DOCK3: variants seen among roughly 807,000 people sequenced by gnomAD.
The protein encoded by DOCK3 is dedicator of cytokinesis 3.
A neutral mutation model predicts 265.6 loss-of-function variants in DOCK3; 60 were observed. The ratio of observed to expected loss-of-function variants is 0.23; its 90% CI spans 0.18 to 0.28. The LOEUF (loss-of-function observed/expected upper bound fraction) is 0.28. DOCK3 is among the 10% of genes least tolerant of loss of function. The pLI, the probability that DOCK3 is intolerant of heterozygous loss-of-function variation, is 1.00. For missense variants in DOCK3, 1,981 were observed against 2,594.3 expected (o/e 0.76, Z 5.14); for synonymous variants, 881 against 938.0 (o/e 0.94, Z 1.11).
chr3:51,016,852 T>TAAA lies in DOCK3; in HGVS notation c.316-47596_316-47595insAAA, dbSNP rs1559946072. 3.1e-3 allele frequency among the ~76,000 whole-genome samples: 7 copies of TAAA among 2,232 alleles called. 3 individuals are homozygous for TAAA. Among genetic ancestry groups the TAAA allele is most frequent in the African/African-American group, 0.013 (7 of 522 alleles). The allele number at this position is 2,232 out of a possible 152,430, so 1.5% of individuals were successfully genotyped here. On this transcript the variant is annotated intron_variant, in intron 5 of 52. Transcript: ENST00000266037. ...TATATATGATATATGTTTATATATA[T>TAAA]CATATATAAATATATATGATATATG...
chr3:50,888,118 G>C (rs74835033), intron 3 of DOCK3, among the ~76,000 whole-genome samples: 14,899 of 151,760 alleles, frequency 0.098, 910 homozygotes, highest in Non-Finnish European at 0.13. Flanking sequence ...ACCCCATTGT[G>C]TCAGCCCAAA....
chr3:51,364,019 G>A (rs1300031156), intron 49 of DOCK3, among the ~76,000 whole-genome samples: 1 of 152,200 alleles, frequency 6.6e-6, no homozygotes, highest in Non-Finnish European at 1.5e-5. Context: ...GGATGGCTGG[G>A]TCAAATGGTA....
chr3:51,319,129 T>C (rs1290878609), intron 32 of DOCK3, among the ~76,000 whole-genome samples: 1 of 152,196 alleles, frequency 6.6e-6, no homozygotes, highest in African/African-American at 2.4e-5. Flanking sequence ...GGAGAAAGTA[T>C]TCACCAGTGT....
At chr3:51,193,508 C>T (rs2088076749) in intron 12 of DOCK3, among the ~76,000 whole-genome samples, 2 of 152,010 alleles carry the variant, frequency 1.3e-5, no homozygotes, top group African/African-American at 4.8e-5. Context: ...GTTCTTTTTA[C>T]GTTTGGTAGA....
chr3:51,133,707 A>G (rs1413081114), intron 9 of DOCK3, among the ~76,000 whole-genome samples: 3 of 152,122 alleles, frequency 2.0e-5, no homozygotes, highest in East Asian at 1.9e-4. Context: ...TCTAATTTAT[A>G]CAAACAGAAA....
At chr3:50,770,670 C>T (rs981317627) in intron 1 of DOCK3, among the ~76,000 whole-genome samples, 6 of 152,120 alleles carry the variant, frequency 3.9e-5, no homozygotes, top group East Asian at 1.9e-4. Context: ...CTGGAGGAAT[C>T]GCATTACCTG....
intron 4 of DOCK3, among the ~76,000 whole-genome samples, chr3:50,893,561 G>T (rs2048744249): frequency 6.6e-6 from 1 of 151,968 alleles, no homozygotes; most frequent in South Asian, 2.1e-4. Flanking sequence ...CATTTGAAAT[G>T]ATCCATTCAG....
chr3:51,318,093 T>C (rs899343917), intron 32 of DOCK3, among the ~76,000 whole-genome samples: 21 of 152,162 alleles, frequency 1.4e-4, no homozygotes, highest in African/African-American at 4.3e-4. Flanking sequence ...ATAAATCAAA[T>C]TGGGGGCCGG....
chr3:50,954,770 G>A (rs2076685142), intron 5 of DOCK3, among the ~76,000 whole-genome samples: 1 of 152,068 alleles, frequency 6.6e-6, no homozygotes. Flanking sequence ...CCAATCTATA[G>A]GTTGTCTGTT....
intron 4 of DOCK3, among the ~76,000 whole-genome samples, chr3:50,918,086 A>C (rs2107995288): frequency 6.6e-6 from 1 of 152,230 alleles, no homozygotes; most frequent in East Asian, 1.9e-4. Flanking sequence ...AAAGGACATG[A>C]ACTCATCCTT....
At chr3:51,171,897 A>T (rs1388416894) in intron 12 of DOCK3, among the ~76,000 whole-genome samples, 1 of 152,018 alleles carries the variant, frequency 6.6e-6, no homozygotes, top group Non-Finnish European at 1.5e-5. Flanking sequence ...TTCTGTTTGG[A>T]TGATCTCTTA....
chr3:50,794,030 A>G (rs2042634384), intron 2 of DOCK3, among the ~76,000 whole-genome samples: 1 of 152,166 alleles, frequency 6.6e-6, no homozygotes, highest in South Asian at 2.1e-4. Flanking sequence ...ACTTATGTGT[A>G]ATCGTAAGGT....
At chr3:50,806,630 GT>G (rs1409222917) in intron 2 of DOCK3, among the ~76,000 whole-genome samples, 4 of 152,040 alleles carry the variant, frequency 2.6e-5, no homozygotes, top group South Asian at 2.1e-4. Flanking sequence ...TTTCCCTGCT[GT>G]GCAGGACTGG....
intron 3 of DOCK3, among the ~76,000 whole-genome samples, chr3:50,870,439 T>C (rs1210423554): frequency 6.6e-6 from 1 of 152,202 alleles, no homozygotes; most frequent in Non-Finnish European, 1.5e-5. Context: ...CTACTCTTTT[T>C]TGGTTTCCAT....
At chr3:51,134,458 G>C (rs1576194029) in intron 9 of DOCK3, among the ~76,000 whole-genome samples, 1 of 152,150 alleles carries the variant, frequency 6.6e-6, no homozygotes, top group East Asian at 1.9e-4. Context: ...AATTTTCTGG[G>C]ATTATTTGCC....
chr3:51,105,233 C>G (rs2083238908), intron 9 of DOCK3, among the ~76,000 whole-genome samples: 1 of 152,136 alleles, frequency 6.6e-6, no homozygotes, highest in South Asian at 2.1e-4. Context: ...TGATAAAGAA[C>G]ATGATTGAAT....
At chr3:51,020,947 T>C (rs1315787498) in intron 5 of DOCK3, among the ~76,000 whole-genome samples, 1 of 151,936 alleles carries the variant, frequency 6.6e-6, no homozygotes, top group Non-Finnish European at 1.5e-5. Flanking sequence ...GTCTTGGCTA[T>C]TTGAGCTCTT....
At chr3:51,116,449 T>TTAA (rs2083743949) in intron 9 of DOCK3, among the ~76,000 whole-genome samples, 1 of 15,002 alleles carries the variant, frequency 6.7e-5, no homozygotes, top group African/African-American at 4.2e-4. Flanking sequence ...AGACTCCATC[T>TTAA]CAAAAAAAAA....
chr3:50,972,080 C>G (rs939883943), intron 5 of DOCK3, among the ~76,000 whole-genome samples: 4 of 152,244 alleles, frequency 2.6e-5, no homozygotes. Context: ...AGATATCTAT[C>G]TTGTGGCTCA....
Sources: allele counts gnomAD v4.1 joint callset (sites outside exome capture counted in the v4.1 genomes callset), GRCh38; gene constraint gnomAD v4.1.1; transcripts MANE v1.5; gene names NCBI Gene and HGNC (gene_info 2026-07-23, HGNC 2026-07-21).